The following UBE2E3 variants were observed in gnomAD, a reference collection of about 807,000 sequenced individuals.
UBE2E3 encodes the protein ubiquitin-conjugating enzyme E2 E3.
Under a neutral mutation model 23.6 loss-of-function variants are expected in UBE2E3, and 5 were observed. The observed-to-expected ratio is 0.21, with a 90% CI of 0.11 to 0.44. The LOEUF (loss-of-function observed/expected upper bound fraction) is 0.44, where lower values mean the gene tolerates loss of function less well. Among genes scored for constraint, UBE2E3 ranks in the 20% least tolerant of loss-of-function variants. The probability of loss-of-function intolerance (pLI) is 0.99; values close to 1 mark genes in which losing one functional copy is unlikely to be tolerated. For synonymous variants in UBE2E3, 78 were observed against 87.5 expected (o/e 0.89, Z 0.60); for missense variants, 81 against 249.8 (o/e 0.32, Z 4.55).
At chr2:180,984,312 T>G (rs1261685334) in intron 3 of UBE2E3, among the ~76,000 whole-genome samples, 2 of 152,146 alleles carry the variant, frequency 1.3e-5, no homozygotes, top group African/African-American at 4.8e-5. Flanking sequence ...ATATACTGAT[T>G]TTGTGCTTCT....
intron 3 of UBE2E3, among the ~76,000 whole-genome samples, chr2:180,999,130 T>A (rs1213356262): frequency 2.0e-5 from 3 of 152,126 alleles, no homozygotes; most frequent in South Asian, 4.1e-4. Flanking sequence ...ATCTCACTGA[T>A]GAACAAGAAT....
chr2:181,062,708 C>G (rs1362143028), intron 5 of UBE2E3, 83 bp from the exon 6 acceptor site: 3 of 657,238 alleles, frequency 4.6e-6, no homozygotes, highest in Non-Finnish European at 7.3e-6. Flanking sequence ...GAAAAATAAG[C>G]ATTTCATTTT....
chr2:181,060,627 A>T, intron 4 of UBE2E3, 38 bp from the exon 5 acceptor site: 1 of 1,534,758 alleles, frequency 6.5e-7, no homozygotes, highest in Non-Finnish European at 8.8e-7. Flanking sequence ...GTAATACAGC[A>T]TTCATTTTCC....
chr2:181,025,138 C>G (rs1685844040), intron 3 of UBE2E3, among the ~76,000 whole-genome samples: 1 of 151,880 alleles, frequency 6.6e-6, no homozygotes, highest in Non-Finnish European at 1.5e-5. Flanking sequence ...TTTATAGGGG[C>G]ACGAGTGGTT....
At position 181,004,171 on chromosome 2, in the gene UBE2E3, C is replaced by T. The variant is rs548994865; in HGVS notation, c.245+20078C>T. ...TTTTCTCTTCACTTTCTCTGTATTACACAGAGTTTGAAATTAATTGACTCA... is the reference window on the plus strand; with the variant it reads ...TTTTCTCTTCACTTTCTCTGTATTATACAGAGTTTGAAATTAATTGACTCA... On this transcript the variant is annotated intron_variant, in intron 3 of 5. Transcript: ENST00000410062. 1.9e-4 allele frequency among the ~76,000 whole-genome samples: 29 copies of T among 152,306 alleles called. 1 individual carries two copies. The South Asian group carries it at 6.0e-3, about 32-fold the overall frequency.
chr2:181,002,112 G>C (rs77459902), intron 3 of UBE2E3, among the ~76,000 whole-genome samples: 3 of 152,240 alleles, frequency 2.0e-5, no homozygotes, highest in Non-Finnish European at 4.4e-5. Context: ...CCTAGCATTT[G>C]CTGGCAAATG....
chr2:181,021,352 CTCT>C (rs1219473654), intron 3 of UBE2E3, among the ~76,000 whole-genome samples: 10 of 146,658 alleles, frequency 6.8e-5, no homozygotes, highest in East Asian at 2.1e-4. Context: ...TTCTTCTTTT[CTCT>C]TCTTTTTTTT....
intron 3 of UBE2E3, among the ~76,000 whole-genome samples, chr2:181,032,062 C>T (rs900289250): frequency 4.6e-5 from 7 of 152,084 alleles, no homozygotes; most frequent in Non-Finnish European, 1.0e-4. Flanking sequence ...ATCTAGAAAC[C>T]AAAAACTGTG....
At chr2:181,019,495 C>G (rs1406553443) in intron 3 of UBE2E3, among the ~76,000 whole-genome samples, 1 of 152,140 alleles carries the variant, frequency 6.6e-6, no homozygotes, top group East Asian at 1.9e-4. Flanking sequence ...CTTTGGAAAC[C>G]ACAGCATATA....
At chr2:181,034,223 C>T (rs1256802252) in intron 3 of UBE2E3, among the ~76,000 whole-genome samples, 2 of 152,190 alleles carry the variant, frequency 1.3e-5, no homozygotes, top group Non-Finnish European at 2.9e-5. Context: ...AAGACACATA[C>T]ACATGTATGT....
chr2:181,039,552 C>T (rs1456673590), intron 3 of UBE2E3, among the ~76,000 whole-genome samples: 1 of 152,028 alleles, frequency 6.6e-6, no homozygotes, highest in Non-Finnish European at 1.5e-5. Context: ...GGGCAGATTG[C>T]TTGAACTCAG....
At chr2:181,051,175 T>C (rs1413051280) in intron 3 of UBE2E3, among the ~76,000 whole-genome samples, 2 of 151,860 alleles carry the variant, frequency 1.3e-5, no homozygotes, top group African/African-American at 2.4e-5. Context: ...TTTTTAAAAC[T>C]TGAATAAATG....
intron 3 of UBE2E3, among the ~76,000 whole-genome samples, chr2:181,053,597 G>GTC (rs1458940410): frequency 1.7e-5 from 1 of 58,294 alleles, no homozygotes; most frequent in Non-Finnish European, 3.2e-5. Context: ...AAAACCCCTT[G>GTC]TATCTCTGCC....
At chr2:181,015,861 G>T (rs1385570978) in intron 3 of UBE2E3, among the ~76,000 whole-genome samples, 1 of 151,902 alleles carries the variant, frequency 6.6e-6, no homozygotes, top group Non-Finnish European at 1.5e-5. Flanking sequence ...CACTAGTTCA[G>T]CAATTTATAG....
chr2:181,017,716 G>T (rs896019894), intron 3 of UBE2E3, among the ~76,000 whole-genome samples: 5 of 146,706 alleles, frequency 3.4e-5, no homozygotes, highest in Non-Finnish European at 6.0e-5. Flanking sequence ...AGGTTTTTTT[G>T]TTTTTCTTTG....
chr2:180,981,842 G>A (rs1574149765), intron 1 of UBE2E3, among the ~76,000 whole-genome samples, 176 bp from the exon 2 acceptor site: 2 of 151,960 alleles, frequency 1.3e-5, no homozygotes, highest in East Asian at 3.9e-4. Flanking sequence ...CTTAACGCTG[G>A]CGTTGTGTGA....
At chr2:180,998,734 G>A (rs769640346) in intron 3 of UBE2E3, among the ~76,000 whole-genome samples, 4 of 152,092 alleles carry the variant, frequency 2.6e-5, no homozygotes, top group Non-Finnish European at 5.9e-5. Context: ...ACAGCTGAAA[G>A]TAGAAGTAAA....
intron 3 of UBE2E3, among the ~76,000 whole-genome samples, chr2:181,002,042 A>T (rs969536918): frequency 6.6e-6 from 1 of 152,166 alleles, no homozygotes; most frequent in Non-Finnish European, 1.5e-5. Context: ...CAAGCAGCAG[A>T]CAGTACAGTA....
At chr2:181,034,695 A>G (rs934753770) in intron 3 of UBE2E3, among the ~76,000 whole-genome samples, 38 of 151,866 alleles carry the variant, frequency 2.5e-4, no homozygotes, top group African/African-American at 9.0e-4. Flanking sequence ...TTAAAAAGAA[A>G]TTTCCTGGAA....
Sources: allele counts gnomAD v4.1 joint callset (sites outside exome capture counted in the v4.1 genomes callset), GRCh38; gene constraint gnomAD v4.1.1; transcripts MANE v1.5; gene names NCBI Gene and HGNC (gene_info 2026-07-23, HGNC 2026-07-21).